Variants in MAB21L3 observed in about 807,000 individuals in gnomAD.
MAB21L3 encodes protein mab-21-like 3.
In MAB21L3, 36 loss-of-function variants were observed where a neutral mutation model predicts 37.7. The ratio of observed to expected loss-of-function variants is 0.96; its 90% CI spans 0.73 to 1.26. The LOEUF is 1.26. Ranked by LOEUF, MAB21L3 falls within the 50% of genes most tolerant of loss-of-function variation. MAB21L3 has a pLI of 0.00. For missense variants in MAB21L3, 430 were observed against 447.3 expected (o/e 0.96, Z 0.35); for synonymous variants, 186 against 176.8 (o/e 1.05, Z -0.41).
Position 116,133,264 on chromosome 1 carries a change from C to T in MAB21L3, c.988C>T (p.Arg330Trp), listed in dbSNP as rs141547622. 256 of 1,614,182 alleles carry T rather than the reference C, an allele frequency of 1.6e-4. 6 individuals carry two copies. In the South Asian group the frequency reaches 1.7e-3, roughly 11 times the overall value. The change falls in exon 8 of 8, where the codon CGG (arginine) becomes TGG (tryptophan). Residue 330 changes from arginine to tryptophan, a missense_variant. Physicochemically the swap from Arg to Trp is moderately radical, Grantham distance 101. Transcript: ENST00000369500. ...SQHFLKHYFV[R>W]NSNLFQCTNP... is the part of the protein sequence containing the mutation. ...GCACTTCCTGAAACACTATTTCGTC[C>T]GGAACAGCAACCTCTTTCAGTGCAC...
intron 6 of MAB21L3, among the ~76,000 whole-genome samples, chr1:116,127,923 C>T (rs913548903): frequency 3.9e-5 from 6 of 152,144 alleles, no homozygotes; most frequent in East Asian, 3.8e-4. Context: ...GATGTATGCT[C>T]AAGTTGGAGA....
At chr1:116,131,448 C>T (rs925335103) in intron 7 of MAB21L3, among the ~76,000 whole-genome samples, 1 of 152,234 alleles carries the variant, frequency 6.6e-6, no homozygotes, top group African/African-American at 2.4e-5. Flanking sequence ...TTATAAACCA[C>T]ACCACATTAA....
rs779357226 is a variant in MAB21L3, at chr1:116,124,183, C to T, written c.307C>T (p.Pro103Ser). 1.6e-5 allele frequency: 26 copies of T among 1,614,188 alleles called. No homozygotes were observed. Among genetic ancestry groups the T allele is most frequent in the Non-Finnish European group, 2.1e-5 (25 of 1,180,024 alleles). ...YTLQGTRLPC[P>S]LRDPEGLQQW... Reference sequence around the variant, plus strand: ...ACTGCAGGGCACCAGGCTGCCCTGCCCGTTGCGGGACCCTGAGGGTCTGCA... The same window carrying T: ...ACTGCAGGGCACCAGGCTGCCCTGCTCGTTGCGGGACCCTGAGGGTCTGCA... The change falls in exon 5 of 8, where the codon CCG becomes TCG. Residue 103 changes from proline (P) to serine (S), a missense_variant. Pro to Ser is a moderately conservative substitution (Grantham distance 74, BLOSUM62 -1). Coordinates refer to ENST00000369500, the MANE Select transcript of MAB21L3 (RefSeq NM_152367.3).
chr1:116,120,879 T>C (rs1659727600), intron 3 of MAB21L3, 53 bp from the exon 4 acceptor site: 3 of 1,603,434 alleles, frequency 1.9e-6, no homozygotes, highest in Middle Eastern at 3.7e-4. Flanking sequence ...TATGCTGGTA[T>C]CTTGGGGCCC....
Position 116,136,519 on chromosome 1 carries a change from G to T in MAB21L3, c.*3154G>T. ...AACATTCCATGCTCATGGGTAGGAA[G>T]AATCAATATCGTCAAAATGGCCAGA... On this transcript the variant is annotated 3_prime_UTR_variant, in exon 8 of 8. Transcript: ENST00000369500. 6.6e-6 allele frequency among the ~76,000 whole-genome samples: 1 copy of T among 152,096 alleles called. No individual in the cohort carries two copies. Among genetic ancestry groups the T allele is most frequent in the East Asian group, 1.9e-4 (1 of 5,192 alleles).
At chr1:116,117,716 G>T (rs183781207) in intron 3 of MAB21L3, among the ~76,000 whole-genome samples, 298 of 152,294 alleles carry the variant, frequency 2.0e-3, no homozygotes, top group Non-Finnish European at 3.1e-3. Context: ...TATCTCAGCA[G>T]TCTATCGCCT....
At chr1:116,118,755 T>C (rs1659659275) in intron 3 of MAB21L3, among the ~76,000 whole-genome samples, 1 of 152,222 alleles carries the variant, frequency 6.6e-6, no homozygotes, top group South Asian at 2.1e-4. Context: ...CAATACCTGC[T>C]ATTTTCTCAT....
chr1:116,136,730 C>T lies in MAB21L3; in HGVS notation c.*3365C>T, dbSNP rs1440830297. ...CACTACCTGACTTCAAACTATACTA[C>T]AAGGCTACAGTAACCAAAACAGCAT... On this transcript the variant is annotated 3_prime_UTR_variant, in exon 8 of 8. Coordinates refer to ENST00000369500, the MANE Select transcript of MAB21L3 (RefSeq NM_152367.3). Among the ~76,000 whole-genome samples, 803 of 152,168 alleles carry T rather than the reference C, an allele frequency of 5.3e-3. 5 individuals carry two copies. The highest frequency in any genetic ancestry group is 0.018 in the African/African-American group (759 of 41,524).
intron 3 of MAB21L3, among the ~76,000 whole-genome samples, chr1:116,118,541 A>G (rs1659654207): frequency 1.3e-5 from 2 of 152,156 alleles, no homozygotes; most frequent in South Asian, 4.1e-4. Context: ...GTCAGACTCC[A>G]TGGACATTTG....
At chr1:116,118,995 G>A (rs1049503749) in intron 3 of MAB21L3, among the ~76,000 whole-genome samples, 5 of 152,118 alleles carry the variant, frequency 3.3e-5, no homozygotes, top group East Asian at 1.9e-4. Flanking sequence ...TATAAACCTC[G>A]TGGCAACATG....
rs1293303322 is a variant in MAB21L3, at chr1:116,136,478, T to G, written c.*3113T>G. On this transcript the variant is annotated 3_prime_UTR_variant, in exon 8 of 8. Transcript: ENST00000369500. ...CACTGCTCAATGAAATAAAAGAGGA[T>G]ACAAACAAATGGAAGAACATTCCAT... Among the ~76,000 whole-genome samples, 1 of 151,932 alleles carries G rather than the reference T, an allele frequency of 6.6e-6. No homozygotes were observed. Among genetic ancestry groups the G allele is most frequent in the African/African-American group, 2.4e-5 (1 of 41,368 alleles).
At chr1:116,121,371 A>C (rs1405346469) in intron 4 of MAB21L3, among the ~76,000 whole-genome samples, 2 of 152,188 alleles carry the variant, frequency 1.3e-5, no homozygotes, top group Non-Finnish European at 2.9e-5. Context: ...ATAGAAAAAG[A>C]AAAAAAGATA....
intron 5 of MAB21L3, among the ~76,000 whole-genome samples, chr1:116,125,458 C>A (rs1300391440): frequency 1.3e-5 from 2 of 152,214 alleles, no homozygotes; most frequent in Non-Finnish European, 1.5e-5. Context: ...ATTATGCTAT[C>A]TCTGCCTACT....
chr1:116,129,184 G>A (rs578056122), intron 7 of MAB21L3, among the ~76,000 whole-genome samples: 1 of 152,360 alleles, frequency 6.6e-6, no homozygotes, highest in African/African-American at 2.4e-5. Context: ...AAAGGGAGGA[G>A]TATGGCTCTG....
At chr1:116,117,162 C>CATATATAT (rs35799148) in intron 3 of MAB21L3, among the ~76,000 whole-genome samples, 1,325 of 114,448 alleles carry the variant, frequency 0.012, 22 homozygotes, top group Middle Eastern at 0.036. Flanking sequence ...AATATACATA[C>CATATATAT]ATATATATAT....
intron 7 of MAB21L3, among the ~76,000 whole-genome samples, chr1:116,131,326 T>C (rs1194206879): frequency 6.6e-6 from 1 of 152,158 alleles, no homozygotes; most frequent in East Asian, 1.9e-4. Flanking sequence ...AAGCAGGATG[T>C]GCAAAGGCTC....
At chr1:116,125,796 T>C (rs1450584091) in intron 5 of MAB21L3, among the ~76,000 whole-genome samples, 1 of 152,216 alleles carries the variant, frequency 6.6e-6, no homozygotes, top group Admixed American at 6.5e-5. Flanking sequence ...ATGAGGAAAC[T>C]GAGACTTAGA....
At chr1:116,120,870 A>T (rs1183633780) in intron 3 of MAB21L3, 62 bp from the exon 4 acceptor site, 1 of 1,596,590 alleles carries the variant, frequency 6.3e-7, no homozygotes, top group African/African-American at 1.3e-5. Flanking sequence ...TCACTCTCTT[A>T]TGCTGGTATC....
chr1:116,124,396 CA>C (rs1343552249), intron 5 of MAB21L3, 39 bp downstream of exon 5: 1 of 1,567,212 alleles, frequency 6.4e-7, no homozygotes. Flanking sequence ...TAATTGCTGG[CA>C]TTCCCCTTTC....
Sources: allele counts gnomAD v4.1 joint callset (sites outside exome capture counted in the v4.1 genomes callset), GRCh38; gene constraint gnomAD v4.1.1; transcripts MANE v1.5; gene names NCBI Gene and HGNC (gene_info 2026-07-23, HGNC 2026-07-21).